CARS2: variants seen among roughly 807,000 people sequenced by gnomAD.
CARS2 encodes probable cysteine--tRNA ligase, mitochondrial.
In CARS2, 52 loss-of-function variants were observed where a neutral mutation model predicts 68.8. The ratio of observed to expected loss-of-function variants is 0.76; its 90% CI spans 0.61 to 0.95. The LOEUF is 0.95. CARS2 is among the 40% of genes least tolerant of loss of function. The pLI is 0.00. For missense variants in CARS2, 780 were observed against 754.2 expected (o/e 1.03, Z -0.40); for synonymous variants, 314 against 303.6 (o/e 1.03, Z -0.36).
intron 6 of CARS2, among the ~76,000 whole-genome samples, chr13:110,682,794 G>T (rs1258121075): frequency 6.6e-6 from 1 of 152,200 alleles, no homozygotes; most frequent in Non-Finnish European, 1.5e-5. Context: ...AGGAGACAGT[G>T]ACCAGCACTG....
chr13:110,711,399 A>G (rs2064026372), upstream of CARS2, among the ~76,000 whole-genome samples: 1 of 152,172 alleles, frequency 6.6e-6, no homozygotes, highest in Non-Finnish European at 1.5e-5. Context: ...TTTTTAGTAG[A>G]GACAGGGTTT....
intron 3 of CARS2, among the ~76,000 whole-genome samples, chr13:110,696,901 G>A (rs933820507): frequency 6.6e-6 from 1 of 152,142 alleles, no homozygotes; most frequent in African/African-American, 2.4e-5. Flanking sequence ...TGATGGCAAC[G>A]TTCCTGCCCC....
intron 3 of CARS2, among the ~76,000 whole-genome samples, chr13:110,697,089 T>C (rs967389918): frequency 6.6e-6 from 1 of 152,256 alleles, no homozygotes; most frequent in African/African-American, 2.4e-5. Flanking sequence ...CTTTCTGATC[T>C]TGAAGATTCA....
At chr13:110,712,909 G>T (rs765351793) in intron 1 of CARS2, 10 of 1,537,634 alleles carry the variant, frequency 6.5e-6, no homozygotes, top group Middle Eastern at 3.3e-4. Flanking sequence ...CAAAGGGAGG[G>T]CGGTGACGGA....
intron 7 of CARS2, among the ~76,000 whole-genome samples, chr13:110,667,813 G>A (rs1405090296): frequency 1.3e-5 from 2 of 152,080 alleles, no homozygotes; most frequent in Non-Finnish European, 2.9e-5. Flanking sequence ...ACAAGAGATG[G>A]AACTATAAAA....
At chr13:110,706,439 G>C (rs1434900913), upstream of CARS2, 1 of 175,514 alleles carries the variant, frequency 5.7e-6, no homozygotes, top group Non-Finnish European at 1.2e-5. Context: ...TACCAGCCTG[G>C]AGCTGTGTCC....
rs1347994880 is a variant in CARS2, at chr13:110,676,073, G to A, written c.785+901C>T. Among the ~76,000 whole-genome samples, 4 of 152,240 alleles carry A rather than the reference G, an allele frequency of 2.6e-5. No homozygotes were observed. Among genetic ancestry groups the A allele is most frequent in the Non-Finnish European group, 4.4e-5 (3 of 68,042 alleles). ...GGAGGATGAGGCAGGAGAATCGCTT[G>A]AACCTGGGAGGCGGAGGTTGCGGTG... On this transcript the variant is annotated intron_variant, in intron 7 of 14. Transcript: ENST00000257347. The surrounding 1 kb of genome is among the most constrained non-coding windows in gnomAD (Gnocchi z 4.0).
intron 3 of CARS2, among the ~76,000 whole-genome samples, chr13:110,695,993 T>C (rs1326262585): frequency 6.6e-6 from 1 of 152,150 alleles, no homozygotes; most frequent in Non-Finnish European, 1.5e-5. Flanking sequence ...GTGCTCTCAT[T>C]GTTCAACTCC....
intron 3 of CARS2, among the ~76,000 whole-genome samples, chr13:110,695,546 T>C (rs1007918805): frequency 3.3e-5 from 5 of 152,124 alleles, no homozygotes; most frequent in Non-Finnish European, 5.9e-5. Flanking sequence ...GTACATGCAA[T>C]GTGACATTAT....
intron 10 of CARS2, 178 bp downstream of exon 10, chr13:110,650,856 C>T: frequency 1.8e-6 from 1 of 559,906 alleles, no homozygotes; most frequent in Non-Finnish European, 3.1e-6. Context: ...CGGGCCCAGA[C>T]CAGCACTGGG....
intron 8 of CARS2, chr13:110,666,031 C>G: frequency 1.0e-6 from 1 of 985,104 alleles, no homozygotes; most frequent in Non-Finnish European, 1.2e-6. Flanking sequence ...AGTGTCTCAG[C>G]CCCACTATCT....
At chr13:110,703,925 G>A (rs1438093910) in intron 2 of CARS2, among the ~76,000 whole-genome samples, 1 of 152,220 alleles carries the variant, frequency 6.6e-6, no homozygotes, top group Non-Finnish European at 1.5e-5. Flanking sequence ...GCCTCTGGGA[G>A]TGACAAAGTC....
chr13:110,695,329 T>C (rs2063589417), intron 3 of CARS2, among the ~76,000 whole-genome samples: 1 of 152,120 alleles, frequency 6.6e-6, no homozygotes, highest in Non-Finnish European at 1.5e-5. Context: ...AAAAATATAG[T>C]ACTACTATTT....
At chr13:110,648,047 C>CA (rs2139687721) in intron 10 of CARS2, among the ~76,000 whole-genome samples, 1 of 152,336 alleles carries the variant, frequency 6.6e-6, no homozygotes, top group Non-Finnish European at 1.5e-5. Flanking sequence ...TACATCTCAA[C>CA]ATGCCTCCAA....
At position 110,676,589 on chromosome 13, in the gene CARS2, A is replaced by G. The variant is rs1255603091; in HGVS notation, c.785+385T>C. ...CTGGCATGCGAGTTGCCTGAGCTAG[A>G]AGAGCTGGCGGGAAGGCGGAGAGGG... On this transcript the variant is annotated intron_variant, in intron 7 of 14. Transcript: ENST00000257347. The surrounding 1 kb of genome is among the most constrained non-coding windows in gnomAD (Gnocchi z 4.0). Among the ~76,000 whole-genome samples the G allele has an allele frequency of 6.6e-6, 1 of 152,096 alleles. No individual in the cohort carries two copies. Among genetic ancestry groups the G allele is most frequent in the Admixed American group, 6.6e-5 (1 of 15,262 alleles).
At chr13:110,666,903 T>C (rs2062663518) in intron 8 of CARS2, 1 of 985,328 alleles carries the variant, frequency 1.0e-6, no homozygotes, top group African/African-American at 1.7e-5. Context: ...ACTCATGGTG[T>C]TGCATCCACT....
chr13:110,681,300 C>T (rs533768170), intron 6 of CARS2, among the ~76,000 whole-genome samples: 1 of 152,294 alleles, frequency 6.6e-6, no homozygotes, highest in South Asian at 2.1e-4. Context: ...TTGGAAATAA[C>T]ATACACTAAG....
intron 3 of CARS2, among the ~76,000 whole-genome samples, chr13:110,699,400 T>C (rs536661076): frequency 6.6e-6 from 1 of 152,346 alleles, no homozygotes; most frequent in African/African-American, 2.4e-5. Context: ...CATGGGTTCA[T>C]ATGCTCTTCT....
chr13:110,694,027 TTTTG>T (rs2063551128), intron 3 of CARS2, among the ~76,000 whole-genome samples: 1 of 151,986 alleles, frequency 6.6e-6, no homozygotes, highest in African/African-American at 2.4e-5. Flanking sequence ...GGTTTTTTTG[TTTTG>T]TTTTTTATTT....
Sources: allele counts gnomAD v4.1 joint callset (sites outside exome capture counted in the v4.1 genomes callset), GRCh38; gene constraint gnomAD v4.1.1; non-coding constraint Gnocchi (gnomAD v3.1); transcripts MANE v1.5; gene names NCBI Gene and HGNC (gene_info 2026-07-23, HGNC 2026-07-21).